The following CCDC32 variants were observed in gnomAD, a reference collection of about 807,000 sequenced individuals.
The protein encoded by CCDC32 is coiled-coil domain containing 32, also known as coiled-coil domain-containing protein 32.
In CCDC32, 9 loss-of-function variants were observed where a neutral mutation model predicts 20.1. That is an observed-to-expected ratio of 0.45 (90% confidence interval 0.27 to 0.78). The LOEUF (loss-of-function observed/expected upper bound fraction) is 0.78. CCDC32 is among the 30% of genes least tolerant of loss of function. The pLI, the probability that CCDC32 is intolerant of heterozygous loss-of-function variation, is 0.16. For synonymous variants in CCDC32, 63 were observed against 79.0 expected, an observed-to-expected ratio of 0.80 and a Z score of 1.07; for missense variants, 204 against 215.5, an observed-to-expected ratio of 0.95 and a Z score of 0.33.
In CCDC32 at chr15:40,553,423, G is replaced by A. The variant is rs560720284; in HGVS notation, c.*548C>T. On this transcript the variant is annotated 3_prime_UTR_variant, in exon 4 of 4. Coordinates refer to ENST00000416810, the MANE Select transcript of CCDC32 (RefSeq NM_001080792.4). ...AAGAAGCCCAGCCTCTCTCCCTGGA[G>A]TCCGTATACTTACTACAGATTTGTT... 6.9e-5 allele frequency: 68 copies of A among 985,492 alleles called. No homozygotes were observed. The highest frequency in any genetic ancestry group is 1.0e-3 in the Middle Eastern group (2 of 1,914). The allele number at this position is 985,492 out of a possible 1,614,324, so 61.0% of individuals were successfully genotyped here.
downstream of CCDC32, among the ~76,000 whole-genome samples, chr15:40,532,484 T>A (rs1888915844): frequency 6.6e-6 from 1 of 152,208 alleles, no homozygotes. Flanking sequence ...TCTGGGCACA[T>A]TAATTTTCAT....
chr15:40,553,905 C>CGTGTGTGT lies in CCDC32; in HGVS notation c.*58_*65dup, dbSNP rs60438611. The CGTGTGTGT allele has an allele frequency of 1.4e-4, 197 of 1,435,360 alleles. 1 individual carries two copies. The East Asian group carries it at 1.4e-3, about 10-fold the overall frequency. 88.9% of individuals were successfully genotyped at this position (1,435,360 alleles called of 1,614,324 possible). On this transcript the variant is annotated 3_prime_UTR_variant, in exon 4 of 4. Coordinates refer to ENST00000416810, the MANE Select transcript of CCDC32 (RefSeq NM_001080792.4). ...CTCTGGACCCGAGACAGCTGCTCGG[C>CGTGTGTGT]GTGTGTGTGTGTGTGTGTGTGTGTG...
downstream of CCDC32, among the ~76,000 whole-genome samples, chr15:40,551,809 CAAA>C (rs59499493): frequency 1.0e-5 from 1 of 96,384 alleles, no homozygotes; most frequent in Non-Finnish European, 1.9e-5. Flanking sequence ...GACCCTGTCT[CAAA>C]AAAAAAAAAA....
chr15:40,561,493 C>A (rs11629711), intron 2 of CCDC32, among the ~76,000 whole-genome samples: 2 of 149,560 alleles, frequency 1.3e-5, no homozygotes, highest in Non-Finnish European at 1.5e-5. Flanking sequence ...AACAAAACAA[C>A]AACCAAAAAA....
intron 2 of CCDC32, among the ~76,000 whole-genome samples, chr15:40,561,497 C>A (rs1265096703): frequency 2.1e-5 from 3 of 143,960 alleles, no homozygotes; most frequent in Non-Finnish European, 3.1e-5. Context: ...AAACAACAAC[C>A]AAAAAAAAAA....
At chr15:40,552,775 A>G, downstream of CCDC32, 1 of 131,368 alleles carries the variant, frequency 7.6e-6, no homozygotes, top group East Asian at 2.0e-4. Context: ...CGACCTCAAA[A>G]AAAAAAAAAA....
At chr15:40,561,300 CTCTA>C (rs1282356641) in intron 2 of CCDC32, among the ~76,000 whole-genome samples, 31 of 152,088 alleles carry the variant, frequency 2.0e-4, no homozygotes, top group Non-Finnish European at 4.1e-4. Context: ...TGGTGAAACT[CTCTA>C]TCTACTGAAA....
At chr15:40,557,122 A>T (rs1890295133) in intron 3 of CCDC32, 94 bp downstream of exon 3, 1 of 1,484,200 alleles carries the variant, frequency 6.7e-7, no homozygotes. Context: ...TTGGCAAAAA[A>T]GTCTGTTCTT....
chr15:40,536,379 A>G (rs889830298), downstream of CCDC32: 2 of 152,312 alleles, frequency 1.3e-5, no homozygotes, highest in African/African-American at 4.8e-5. Flanking sequence ...CAGGCTCTCC[A>G]GTGCAGCAAG....
downstream of CCDC32, among the ~76,000 whole-genome samples, chr15:40,533,459 C>T (rs1309526332): frequency 6.6e-6 from 1 of 152,088 alleles, no homozygotes; most frequent in African/African-American, 2.4e-5. Context: ...AAGCGATTCT[C>T]CTGCCTCAGA....
chr15:40,549,573 G>A (rs889136629), downstream of CCDC32, among the ~76,000 whole-genome samples: 5 of 152,148 alleles, frequency 3.3e-5, no homozygotes, highest in African/African-American at 1.2e-4. Flanking sequence ...AATTAATGAG[G>A]TAGGCTCTAC....
At chr15:40,543,823 T>C (rs919109520) in intron 3 of CCDC32, among the ~76,000 whole-genome samples, 4 of 152,204 alleles carry the variant, frequency 2.6e-5, no homozygotes, top group Admixed American at 1.3e-4. Flanking sequence ...ACCTGCTCAC[T>C]GCAGAACATC....
intron 3 of CCDC32, among the ~76,000 whole-genome samples, chr15:40,540,370 C>CTTTTTT (rs869261368): frequency 8.4e-5 from 7 of 83,058 alleles, no homozygotes; most frequent in East Asian, 2.4e-4. Context: ...TTTTCTTTTT[C>CTTTTTT]TTTTTTTTTT....
chr15:40,564,115 C>A (rs903261512), intron 1 of CCDC32, among the ~76,000 whole-genome samples: 1 of 152,170 alleles, frequency 6.6e-6, no homozygotes, highest in Admixed American at 6.5e-5. Flanking sequence ...CCACCGCGCC[C>A]GGCCCCTAAA....
At chr15:40,531,959 G>A (rs1297992504), downstream of CCDC32, 1 of 209,162 alleles carries the variant, frequency 4.8e-6, no homozygotes, top group Admixed American at 5.8e-5. Context: ...AAATGAGGCA[G>A]AGGGTAATAT....
intron 3 of CCDC32, chr15:40,539,372 G>T: frequency 6.5e-7 from 1 of 1,527,046 alleles, no homozygotes; most frequent in South Asian, 1.2e-5. Context: ...GAATAAGACA[G>T]ACCGACAGAG....
downstream of CCDC32, among the ~76,000 whole-genome samples, chr15:40,523,828 A>ACT (rs1253517363): frequency 1.3e-5 from 2 of 152,154 alleles, no homozygotes; most frequent in Non-Finnish European, 2.9e-5. Flanking sequence ...AACAATTAGA[A>ACT]CTCTCATTCA....
downstream of CCDC32, among the ~76,000 whole-genome samples, chr15:40,552,636 G>A (rs1889940007): frequency 1.3e-5 from 2 of 151,912 alleles, no homozygotes; most frequent in South Asian, 2.1e-4. Context: ...ATAGCCGGGT[G>A]TAGTGGTTTG....
rs912691454 is a variant in CCDC32 at position 40,564,905 on chromosome 15, A to G, written c.-13+71T>C. 1.0e-5 allele frequency: 13 copies of G among 1,243,466 alleles called. No homozygotes were observed. In the African/African-American group the frequency reaches 1.2e-4, roughly 11 times the overall value. The allele number at this position is 1,243,466 out of a possible 1,614,324, so 77.0% of individuals were successfully genotyped here. A position where few individuals can be genotyped will look rare whatever the true frequency, so the allele number is the denominator to read the frequency against. On this transcript the variant is annotated intron_variant, in intron 1 of 3. Coordinates refer to ENST00000416810, the MANE Select transcript of CCDC32 (RefSeq NM_001080792.4). ...GGATGAATCAGGTCCCAAGGCCTCT[A>G]TGTGGTATTCCGGGGCCGGGCCAGA... is the stretch of plus-strand genomic sequence containing the variant.
Sources: allele counts gnomAD v4.1 joint callset (sites outside exome capture counted in the v4.1 genomes callset), GRCh38; gene constraint gnomAD v4.1.1; transcripts MANE v1.5; gene names NCBI Gene and HGNC (gene_info 2026-07-23, HGNC 2026-07-21).